KCND2: variants seen among roughly 807,000 people sequenced by gnomAD.
KCND2 encodes potassium voltage-gated channel subfamily D member 2.
In KCND2, 16 loss-of-function variants were observed where a neutral mutation model predicts 54.4. That is an observed-to-expected ratio of 0.29 (90% CI 0.20 to 0.45). The LOEUF is 0.45. Among genes scored for constraint, KCND2 ranks in the 20% least tolerant of loss-of-function variants. The probability of loss-of-function intolerance (pLI) is 1.00; values close to 1 mark genes in which losing one functional copy is unlikely to be tolerated. For missense variants in KCND2, 486 were observed against 824.2 expected, an observed-to-expected ratio of 0.59 and a Z score of 5.02; for synonymous variants, 317 against 310.7, an observed-to-expected ratio of 1.02 and a Z score of -0.21.
intron 1 of KCND2, among the ~76,000 whole-genome samples, chr7:120,655,946 C>T (rs1791796484): frequency 6.6e-6 from 1 of 152,078 alleles, no homozygotes; most frequent in East Asian, 1.9e-4. Flanking sequence ...AAAGCCGTGC[C>T]TTGATTGCAT....
intron 1 of KCND2, among the ~76,000 whole-genome samples, chr7:120,517,329 ATTG>A (rs1314836968): frequency 6.6e-6 from 1 of 152,054 alleles, no homozygotes; most frequent in African/African-American, 2.4e-5. Context: ...TTCTTAGTAT[ATTG>A]TTGAGTCAGA....
At chr7:120,737,429 C>G (rs769388295) in intron 2 of KCND2, among the ~76,000 whole-genome samples, 2 of 151,850 alleles carry the variant, frequency 1.3e-5, no homozygotes, top group Non-Finnish European at 2.9e-5. Flanking sequence ...CAGTTCTCAC[C>G]GCTTCCACCA....
chr7:120,374,427 G>C (rs1800807470), intron 1 of KCND2, among the ~76,000 whole-genome samples: 1 of 151,646 alleles, frequency 6.6e-6, no homozygotes, highest in Non-Finnish European at 1.5e-5. Flanking sequence ...CCCCGAAAAA[G>C]TGGATTCGAA....
chr7:120,585,820 A>G (rs1032565014), intron 1 of KCND2, among the ~76,000 whole-genome samples: 2 of 152,180 alleles, frequency 1.3e-5, no homozygotes, highest in Non-Finnish European at 2.9e-5. Flanking sequence ...ATGAATCTTA[A>G]TCCTGTAAAT....
intron 1 of KCND2, among the ~76,000 whole-genome samples, chr7:120,658,519 A>G (rs1296912011): frequency 6.6e-6 from 1 of 152,186 alleles, no homozygotes; most frequent in African/African-American, 2.4e-5. Context: ...TTTGTTTTCA[A>G]TATTATTCTC....
chr7:120,290,542 C>T (rs1017073399), intron 1 of KCND2, among the ~76,000 whole-genome samples: 5 of 151,876 alleles, frequency 3.3e-5, no homozygotes, highest in Admixed American at 2.6e-4. Flanking sequence ...TTATGAATTT[C>T]AAACAATAAT....
intron 1 of KCND2, among the ~76,000 whole-genome samples, chr7:120,537,248 A>G (rs1327316351): frequency 6.6e-6 from 1 of 152,186 alleles, no homozygotes; most frequent in Non-Finnish European, 1.5e-5. Context: ...ATAAGCAGTA[A>G]TACTTAGAAA....
intron 1 of KCND2, among the ~76,000 whole-genome samples, chr7:120,549,240 A>G (rs1231776391): frequency 1.3e-5 from 2 of 152,108 alleles, no homozygotes; most frequent in Non-Finnish European, 1.5e-5. Context: ...GAAATTAGCA[A>G]GCATGCCATT....
At chr7:120,445,045 T>A (rs1228692904) in intron 1 of KCND2, among the ~76,000 whole-genome samples, 1 of 152,174 alleles carries the variant, frequency 6.6e-6, no homozygotes, top group Non-Finnish European at 1.5e-5. Flanking sequence ...ATGTTGAACA[T>A]CTTTCTTCAC....
intron 1 of KCND2, among the ~76,000 whole-genome samples, chr7:120,349,562 C>T (rs980910757): frequency 1.3e-5 from 2 of 152,148 alleles, no homozygotes; most frequent in Admixed American, 6.6e-5. Context: ...GAGTAAATAG[C>T]ATTCATGCTG....
intron 1 of KCND2, among the ~76,000 whole-genome samples, chr7:120,516,738 G>A (rs541601954): frequency 6.6e-6 from 1 of 152,178 alleles, no homozygotes; most frequent in Non-Finnish European, 1.5e-5. Context: ...ATCTACTGTT[G>A]ACCCAGGATT....
intron 1 of KCND2, among the ~76,000 whole-genome samples, chr7:120,475,613 G>A (rs983530979): frequency 6.6e-6 from 1 of 152,122 alleles, no homozygotes; most frequent in Non-Finnish European, 1.5e-5. Flanking sequence ...GACTGATTGC[G>A]ATGTCAAATA....
intron 1 of KCND2, among the ~76,000 whole-genome samples, chr7:120,507,407 T>G (rs2116325799): frequency 6.6e-6 from 1 of 152,048 alleles, no homozygotes. Context: ...TCAGCTGGAC[T>G]TATGGCTACA....
intron 1 of KCND2, among the ~76,000 whole-genome samples, chr7:120,490,348 G>A (rs560522156): frequency 9.9e-5 from 15 of 152,194 alleles, no homozygotes; most frequent in Non-Finnish European, 1.9e-4. Context: ...TTTCATTTAA[G>A]CTCATCACTG....
At chr7:120,388,558 A>C (rs1005253320) in intron 1 of KCND2, among the ~76,000 whole-genome samples, 1 of 151,986 alleles carries the variant, frequency 6.6e-6, no homozygotes, top group Non-Finnish European at 1.5e-5. Context: ...TCTTTCAGGG[A>C]AAGAACAAAA....
chr7:120,674,731 A>G (rs1437446545), intron 1 of KCND2, among the ~76,000 whole-genome samples: 1 of 152,244 alleles, frequency 6.6e-6, no homozygotes, highest in East Asian at 1.9e-4. Flanking sequence ...CAGTTTCACA[A>G]ACATCTAATG....
chr7:120,693,204 T>A (rs1225292263), intron 1 of KCND2, among the ~76,000 whole-genome samples: 1 of 152,226 alleles, frequency 6.6e-6, no homozygotes, highest in African/African-American at 2.4e-5. Context: ...TTCTGAGTTC[T>A]ACTCTAGCAT....
At chr7:120,355,361 A>G (rs1420438536) in intron 1 of KCND2, among the ~76,000 whole-genome samples, 1 of 152,128 alleles carries the variant, frequency 6.6e-6, no homozygotes, top group Non-Finnish European at 1.5e-5. Flanking sequence ...AGCCTGGCCA[A>G]TACGGTGAAA....
intron 1 of KCND2, among the ~76,000 whole-genome samples, chr7:120,671,909 C>T (rs773187012): frequency 6.6e-6 from 1 of 152,102 alleles, no homozygotes; most frequent in Admixed American, 6.5e-5. Context: ...GATTATTTCT[C>T]ATTCCTCAAA....
Sources: gnomAD v4.1 joint callset for allele counts (sites outside exome capture counted in the v4.1 genomes callset) on GRCh38, gnomAD v4.1.1 for gene constraint, MANE v1.5 for transcripts, NCBI Gene and HGNC (gene_info 2026-07-23, HGNC 2026-07-21) for gene names.